The following KCTD10 variants were observed in gnomAD, a reference collection of about 807,000 sequenced individuals.
KCTD10 encodes the protein potassium channel tetramerization domain containing 10, also known as BTB/POZ domain-containing adapter for CUL3-mediated RhoA degradation protein 3.
A neutral mutation model predicts 34.6 loss-of-function variants in KCTD10; 13 were observed. That is an observed-to-expected ratio of 0.38 (90% CI 0.24 to 0.60). KCTD10 has a LOEUF of 0.60. KCTD10 is among the 20% of genes least tolerant of loss of function. KCTD10 has a pLI of 0.66. For synonymous variants in KCTD10, 156 were observed against 168.8 expected (o/e 0.92, Z 0.59); for missense variants, 256 against 420.3 (o/e 0.61, Z 3.42).
At position 109,460,337 on chromosome 12, in the gene KCTD10, C is replaced by T. The variant is rs978612323; in HGVS notation, c.387+299G>A. 2.1e-5 allele frequency: 7 copies of T among 333,768 alleles called. No individual in the cohort carries two copies. Among genetic ancestry groups the T allele is most frequent in the Admixed American group, 8.9e-5 (2 of 22,466 alleles). The allele number at this position is 333,768 out of a possible 1,614,324, so 20.7% of individuals were successfully genotyped here. A position where few individuals can be genotyped will look rare whatever the true frequency, so the allele number is the denominator to read the frequency against. ...CTAGAGTAAGCCCTAAGATTGGTCC[C>T]GAACACCGACCAAGTTTCACACCGC... On this transcript the variant is annotated intron_variant, in intron 3 of 6. Transcript: ENST00000228495. This position sits in a 1 kb window ranked among gnomAD's most constrained non-coding sequence, Gnocchi z 4.5.
In KCTD10 at chr12:109,470,081, T is replaced by C. The variant is rs550646260; in HGVS notation, c.4-353A>G. On this transcript the variant is annotated intron_variant, in intron 1 of 6. Transcript: ENST00000228495. Reference sequence around the variant, plus strand: ...GCAGGCACAAGGGTGCCCCTAACTCTTGTGTTATAAGCACTTCCTTTCTGC... The same window carrying C: ...GCAGGCACAAGGGTGCCCCTAACTCCTGTGTTATAAGCACTTCCTTTCTGC... The C allele has an allele frequency of 9.1e-5, 100 of 1,098,716 alleles. No individual in the cohort carries two copies. The African/African-American group carries it at 1.5e-3, about 16-fold the overall frequency. 68.1% of individuals were successfully genotyped at this position (1,098,716 alleles called of 1,614,324 possible).
At chr12:109,473,094 T>A (rs898117563) in intron 1 of KCTD10, among the ~76,000 whole-genome samples, 18 of 152,194 alleles carry the variant, frequency 1.2e-4, no homozygotes, top group African/African-American at 4.1e-4. Context: ...TGGATTTGGA[T>A]GCCACAGCCC....
At chr12:109,477,138 C>A in intron 1 of KCTD10, 122 bp downstream of exon 1, 1 of 1,224,558 alleles carries the variant, frequency 8.2e-7, no homozygotes, top group Non-Finnish European at 1.1e-6. Flanking sequence ...CCCCAAATGC[C>A]TCTCCACTAT....
At chr12:109,452,534 G>A (rs9943689) in intron 6 of KCTD10, among the ~76,000 whole-genome samples, 28,857 of 152,198 alleles carry the variant, frequency 0.19, 2,902 homozygotes, top group Middle Eastern at 0.27. Flanking sequence ...GGTGGAATTC[G>A]GAGGTTCTGG....
In KCTD10 at chr12:109,469,328, C is replaced by T. The variant is rs544270595; in HGVS notation, c.217+187G>A. On this transcript the variant is annotated intron_variant, in intron 2 of 6. Coordinates refer to ENST00000228495, the MANE Select transcript of KCTD10 (RefSeq NM_031954.5). ...CATGGCAGAGATAAGCAAGCTAAGC[C>T]CTGGGTGAGGAAGTGACTTTCTCAA... 24 of 648,498 alleles carry T rather than the reference C, an allele frequency of 3.7e-5. No homozygotes were observed. In the African/African-American group the frequency reaches 4.4e-4, roughly 12 times the overall value. The allele number at this position is 648,498 out of a possible 1,614,324, so 40.2% of individuals were successfully genotyped here.
chr12:109,459,536 T>C (rs560445954), intron 3 of KCTD10: 1 of 152,366 alleles, frequency 6.6e-6, no homozygotes, highest in African/African-American at 2.4e-5. Flanking sequence ...AAATAATCAC[T>C]GTACACTCTG....
chr12:109,450,068 T>G lies in KCTD10; in HGVS notation c.*1527A>C. 1 of 390,720 alleles carries G rather than the reference T, an allele frequency of 2.6e-6. No individual in the cohort carries two copies. Among genetic ancestry groups the G allele is most frequent in the Non-Finnish European group, 4.5e-6 (1 of 221,472 alleles). The allele number at this position is 390,720 out of a possible 1,614,324, so 24.2% of individuals were successfully genotyped here. On this transcript the variant is annotated 3_prime_UTR_variant, in exon 7 of 7. Coordinates refer to ENST00000228495, the MANE Select transcript of KCTD10 (RefSeq NM_031954.5). ...AGGGCAGTAAGTACAAAGTCTAAGCTGTAAAAACCGTTTGAAAATATAAAC... is the reference window on the plus strand; with the variant it reads ...AGGGCAGTAAGTACAAAGTCTAAGCGGTAAAAACCGTTTGAAAATATAAAC...
intron 1 of KCTD10, among the ~76,000 whole-genome samples, chr12:109,473,076 C>T (rs886366551): frequency 1.2e-4 from 18 of 152,170 alleles, no homozygotes; most frequent in African/African-American, 1.9e-4. Context: ...ATAGTTATTT[C>T]CATTTTGTGG....
chr12:109,470,688 G>C (rs770694606), intron 1 of KCTD10: 6 of 721,644 alleles, frequency 8.3e-6, no homozygotes, highest in Non-Finnish European at 1.0e-5. Flanking sequence ...AGGCCACTCT[G>C]TGCCCTTGCG....
chr12:109,454,264 T>C (rs2135640457), intron 6 of KCTD10, among the ~76,000 whole-genome samples: 1 of 152,314 alleles, frequency 6.6e-6, no homozygotes. Flanking sequence ...CCTGTTCCAG[T>C]AAGTAAGGGC....
chr12:109,475,316 T>TA (rs940799014), intron 1 of KCTD10, among the ~76,000 whole-genome samples: 289 of 146,946 alleles, frequency 2.0e-3, no homozygotes, highest in African/African-American at 6.5e-3. Flanking sequence ...ACAAAAAAAT[T>TA]AAAAAAAAAA....
chr12:109,475,156 A>G (rs1487946169), intron 1 of KCTD10, among the ~76,000 whole-genome samples: 1 of 152,096 alleles, frequency 6.6e-6, no homozygotes, highest in African/African-American at 2.4e-5. Flanking sequence ...CCTGGCTACT[A>G]GAATCACCTG....
At chr12:109,464,099 T>A (rs148584954) in intron 2 of KCTD10, among the ~76,000 whole-genome samples, 4 of 152,278 alleles carry the variant, frequency 2.6e-5, no homozygotes, top group East Asian at 3.9e-4. Context: ...TGACCTCTCC[T>A]TTCCCCTCTC....
intron 2 of KCTD10, among the ~76,000 whole-genome samples, chr12:109,465,094 C>T (rs578031667): frequency 6.6e-6 from 1 of 152,292 alleles, no homozygotes; most frequent in East Asian, 1.9e-4. Context: ...GGCAGCATCG[C>T]ACAGAGAAAC....
intron 6 of KCTD10, among the ~76,000 whole-genome samples, chr12:109,454,670 A>G (rs1283419340): frequency 1.3e-5 from 2 of 152,212 alleles, no homozygotes; most frequent in Admixed American, 6.5e-5. Context: ...TCAAGGCTGC[A>G]TTGAGCTATG....
At chr12:109,475,004 C>G (rs1874085305) in intron 1 of KCTD10, among the ~76,000 whole-genome samples, 1 of 152,164 alleles carries the variant, frequency 6.6e-6, no homozygotes. Context: ...TAACCCAAGT[C>G]TCAGTTTTCT....
chr12:109,451,787 A>G lies in KCTD10; in HGVS notation c.750T>C (p.Tyr250=), dbSNP rs750790041. 6.8e-6 allele frequency: 11 copies of G among 1,613,808 alleles called. No homozygotes were observed. Among genetic ancestry groups the G allele is most frequent in the Non-Finnish European group, 8.5e-6 (10 of 1,179,890 alleles). The part of the protein sequence containing the change: ...TKVEFPEARI[Y]EETLNILLYE... ...ACAGCAAAATGTTCAGGGTCTCCTCATAAATCCGGGCTTCGGGAAACTCCA... is the reference window on the plus strand; with the variant it reads ...ACAGCAAAATGTTCAGGGTCTCCTCGTAAATCCGGGCTTCGGGAAACTCCA... The change falls in exon 7 of 7, where the codon TAT becomes TAC. Residue 250 remains tyrosine (Y), a synonymous_variant. Transcript: ENST00000228495. The surrounding 1 kb of genome is among the most constrained non-coding windows in gnomAD (Gnocchi z 5.0).
At chr12:109,466,895 C>CA (rs1213161547) in intron 2 of KCTD10, among the ~76,000 whole-genome samples, 1 of 152,252 alleles carries the variant, frequency 6.6e-6, no homozygotes, top group East Asian at 1.9e-4. Context: ...CTGCAGGATG[C>CA]AGGGAGTCTA....
At chr12:109,476,276 G>C (rs1234287800) in intron 1 of KCTD10, among the ~76,000 whole-genome samples, 1 of 152,192 alleles carries the variant, frequency 6.6e-6, no homozygotes, top group Non-Finnish European at 1.5e-5. Context: ...TCCTTATTTT[G>C]CACAAAATGG....
Sources: gnomAD v4.1 joint callset for allele counts (sites outside exome capture counted in the v4.1 genomes callset) on GRCh38, gnomAD v4.1.1 for gene constraint, Gnocchi (gnomAD v3.1) non-coding constraint, MANE v1.5 for transcripts, NCBI Gene and HGNC (gene_info 2026-07-23, HGNC 2026-07-21) for gene names.